The following GABRR3 variants were observed in gnomAD, a reference collection of about 807,000 sequenced individuals.
GABRR3 encodes the protein gamma-aminobutyric acid receptor subunit rho-3.
A neutral mutation model predicts 43.2 loss-of-function variants in GABRR3; 29 were observed. The ratio of observed to expected loss-of-function variants is 0.67; its 90% confidence interval spans 0.50 to 0.92. The LOEUF (loss-of-function observed/expected upper bound fraction) is 0.92, where lower values mean the gene tolerates loss of function less well. GABRR3 is among the 40% of genes least tolerant of loss of function. The pLI is 0.00. For synonymous variants in GABRR3, 206 were observed against 195.9 expected (o/e 1.05, Z -0.43); for missense variants, 576 against 572.3 (o/e 1.01, Z -0.07).
chr3:98,028,996 C>T lies in GABRR3; in HGVS notation c.126-3317G>A, dbSNP rs1371512894. On this transcript the variant is annotated intron_variant, in intron 2 of 9. Transcript: ENST00000621172. ...TTCTATACACATACCACTTTAAATC[C>T]CTTTGTGTCTTCTCCCCTCTCCCCC... Among the ~76,000 whole-genome samples, 3 of 151,964 alleles carry T rather than the reference C, an allele frequency of 2.0e-5. No individual in the cohort carries two copies. In the East Asian group the frequency reaches 5.8e-4, roughly 29 times the overall value.
chr3:97,992,073 C>T (rs900104621), intron 9 of GABRR3, among the ~76,000 whole-genome samples: 3 of 152,144 alleles, frequency 2.0e-5, no homozygotes, highest in Non-Finnish European at 4.4e-5. Context: ...AAGCAGGAAA[C>T]TGGTGCCCAA....
chr3:98,013,858 G>C (rs1706841807), intron 4 of GABRR3, among the ~76,000 whole-genome samples: 1 of 152,170 alleles, frequency 6.6e-6, no homozygotes, highest in Admixed American at 6.5e-5. Context: ...AGTGTGATCT[G>C]AAGTTCACTG....
intron 2 of GABRR3, among the ~76,000 whole-genome samples, chr3:98,031,581 C>T (rs2107253408): frequency 6.6e-6 from 1 of 151,646 alleles, no homozygotes; most frequent in African/African-American, 2.4e-5. Flanking sequence ...CCAATCTCTA[C>T]CAAAAAAATA....
At chr3:98,014,840 T>A (rs1576045256) in intron 4 of GABRR3, among the ~76,000 whole-genome samples, 1 of 152,186 alleles carries the variant, frequency 6.6e-6, no homozygotes, top group Non-Finnish European at 1.5e-5. Flanking sequence ...CCTCAACAGA[T>A]CCCTGTTTGT....
intron 5 of GABRR3, among the ~76,000 whole-genome samples, chr3:98,011,632 T>C (rs76222942): frequency 2.9e-3 from 443 of 152,276 alleles, no homozygotes; most frequent in African/African-American, 0.01. Context: ...TTTGGTCATA[T>C]ATGATAAGCT....
intron 7 of GABRR3, among the ~76,000 whole-genome samples, chr3:98,002,393 A>G (rs1303866530): frequency 1.3e-5 from 2 of 152,164 alleles, no homozygotes; most frequent in African/African-American, 2.4e-5. Context: ...GGTAATATTA[A>G]CTGCGCTAAT....
At chr3:98,013,828 A>G (rs992403635) in intron 4 of GABRR3, among the ~76,000 whole-genome samples, 1 of 152,230 alleles carries the variant, frequency 6.6e-6, no homozygotes, top group Admixed American at 6.5e-5. Context: ...TAATAAGCAT[A>G]TATTTAGAAT....
At chr3:98,000,725 A>C (rs1358735182) in intron 8 of GABRR3, 1 of 152,136 alleles carries the variant, frequency 6.6e-6, no homozygotes, top group Non-Finnish European at 1.5e-5. Context: ...CAATGATTGT[A>C]ATAATAACAA....
intron 7 of GABRR3, among the ~76,000 whole-genome samples, chr3:98,003,046 T>C (rs1706673016): frequency 6.6e-6 from 1 of 152,206 alleles, no homozygotes; most frequent in Admixed American, 6.5e-5. Context: ...AGTCAGTTTA[T>C]ATATGTTCAG....
chr3:98,027,685 T>C (rs886580176), intron 2 of GABRR3, among the ~76,000 whole-genome samples: 4 of 152,268 alleles, frequency 2.6e-5, no homozygotes, highest in Admixed American at 2.0e-4. Context: ...GTATTTTTTA[T>C]ACCTTCTATT....
At chr3:97,991,577 A>T (rs1706466950) in intron 9 of GABRR3, among the ~76,000 whole-genome samples, 1 of 152,226 alleles carries the variant, frequency 6.6e-6, no homozygotes, top group African/African-American at 2.4e-5. Flanking sequence ...GACTCAAAGG[A>T]TGTAAAATCA....
intron 3 of GABRR3, among the ~76,000 whole-genome samples, chr3:98,021,273 A>C (rs553828063): frequency 6.6e-6 from 1 of 152,142 alleles, no homozygotes; most frequent in Admixed American, 6.5e-5. Context: ...AGTGAGCAGC[A>C]TGTAAAGCCA....
intron 8 of GABRR3, chr3:97,999,798 T>A (rs1234977033): frequency 6.6e-6 from 1 of 152,130 alleles, no homozygotes; most frequent in Admixed American, 6.6e-5. Context: ...ATGAATAATT[T>A]CATTTTGCAG....
chr3:97,994,235 T>G (rs556365425), intron 8 of GABRR3, among the ~76,000 whole-genome samples: 11 of 152,226 alleles, frequency 7.2e-5, no homozygotes, highest in Admixed American at 4.6e-4. Context: ...CTTTCTATCC[T>G]TTCTGTAATA....
At chr3:97,995,663 A>G (rs1181330968) in intron 8 of GABRR3, among the ~76,000 whole-genome samples, 1 of 152,024 alleles carries the variant, frequency 6.6e-6, no homozygotes, top group Non-Finnish European at 1.5e-5. Flanking sequence ...GGAGTGAATG[A>G]TGAGAAAACT....
chr3:98,001,867 A>T lies in GABRR3; in HGVS notation c.755-100T>A, dbSNP rs1396801856. 2.3e-6 allele frequency: 3 copies of T among 1,323,702 alleles called. No individual in the cohort carries two copies. The East Asian group carries it at 7.1e-5, about 31-fold the overall frequency. The allele number at this position is 1,323,702 out of a possible 1,614,324, so 82.0% of individuals were successfully genotyped here. On this transcript the variant is annotated intron_variant, in intron 7 of 9. Coordinates refer to ENST00000621172, the Ensembl canonical transcript of GABRR3. Reference sequence around the variant, plus strand: ...TTCTTTAGACTCCAAGCTCTTGGGGACACGGAATTTGACAAACTCATCTCC... The same window carrying T: ...TTCTTTAGACTCCAAGCTCTTGGGGTCACGGAATTTGACAAACTCATCTCC...
At chr3:97,995,269 G>C (rs116140032) in intron 8 of GABRR3, among the ~76,000 whole-genome samples, 4 of 152,030 alleles carry the variant, frequency 2.6e-5, no homozygotes, top group Non-Finnish European at 5.9e-5. Flanking sequence ...GAGCCACCAC[G>C]CCCAGCTAAA....
intron 9 of GABRR3, among the ~76,000 whole-genome samples, chr3:97,989,436 G>T (rs1340245237): frequency 2.0e-5 from 3 of 148,310 alleles, no homozygotes; most frequent in Non-Finnish European, 4.5e-5. Context: ...GTGGTGAGTA[G>T]TGGTGGTGGG....
At chr3:97,994,894 T>A (rs1288198843) in intron 8 of GABRR3, among the ~76,000 whole-genome samples, 1 of 152,218 alleles carries the variant, frequency 6.6e-6, no homozygotes. Flanking sequence ...AGTATGCCAA[T>A]GTCTTACTCT....
Sources: allele counts gnomAD v4.1 joint callset (sites outside exome capture counted in the v4.1 genomes callset), GRCh38; gene constraint gnomAD v4.1.1; transcripts MANE v1.5; gene names NCBI Gene and HGNC (gene_info 2026-07-23, HGNC 2026-07-21).